The following PARD3 variants were observed in gnomAD, a reference collection of about 807,000 sequenced individuals.
PARD3 encodes par-3 family cell polarity regulator.
PARD3 carries 75 observed loss-of-function variants against 155.4 expected under a neutral mutation model. The ratio of observed to expected loss-of-function variants is 0.48; its 90% CI spans 0.40 to 0.58. The LOEUF (loss-of-function observed/expected upper bound fraction) is 0.58. Among genes scored for constraint, PARD3 ranks in the 20% least tolerant of loss-of-function variants. The pLI, the probability that PARD3 is intolerant of heterozygous loss-of-function variation, is 0.00. For missense variants in PARD3, 1,642 were observed against 1,721.7 expected (o/e 0.95, Z 0.82); for synonymous variants, 576 against 610.5 (o/e 0.94, Z 0.83).
intron 5 of PARD3, among the ~76,000 whole-genome samples, chr10:34,421,804 G>C (rs980452813): frequency 1.4e-4 from 22 of 152,138 alleles, no homozygotes; most frequent in African/African-American, 5.1e-4. Context: ...CACAATAAAT[G>C]TAAAGAATTG....
intron 16 of PARD3, among the ~76,000 whole-genome samples, chr10:34,339,138 A>G (rs1056217552): frequency 6.6e-6 from 1 of 152,234 alleles, no homozygotes; most frequent in Non-Finnish European, 1.5e-5. Flanking sequence ...TAAATAATAT[A>G]TTTCCAATAA....
chr10:34,453,311 C>T (rs1011001046), intron 4 of PARD3, among the ~76,000 whole-genome samples: 2 of 152,160 alleles, frequency 1.3e-5, no homozygotes, highest in African/African-American at 4.8e-5. Context: ...TCATGCCATG[C>T]TTTTTGTTAC....
chr10:34,329,490 A>G (rs906624948), intron 19 of PARD3, among the ~76,000 whole-genome samples: 2 of 152,196 alleles, frequency 1.3e-5, no homozygotes, highest in East Asian at 1.9e-4. Context: ...AAAAAACTCA[A>G]TAGGGTCGAA....
intron 22 of PARD3, among the ~76,000 whole-genome samples, chr10:34,267,173 C>T (rs1192916627): frequency 2.0e-5 from 3 of 151,854 alleles, no homozygotes; most frequent in Admixed American, 6.6e-5. Flanking sequence ...CGCCAGCATT[C>T]TGGTGTCCTT....
intron 19 of PARD3, among the ~76,000 whole-genome samples, chr10:34,330,177 T>C (rs547844399): frequency 1.3e-5 from 2 of 152,288 alleles, no homozygotes; most frequent in Admixed American, 6.5e-5. Context: ...TTAGTAGTTA[T>C]GAGCAATATA....
At chr10:34,392,770 T>C (rs1360807530) in intron 7 of PARD3, among the ~76,000 whole-genome samples, 4 of 152,128 alleles carry the variant, frequency 2.6e-5, no homozygotes, top group African/African-American at 7.2e-5. Context: ...CAAAAGAGGC[T>C]TTCTTATCAA....
At chr10:34,629,328 G>C (rs551382497) in intron 2 of PARD3, among the ~76,000 whole-genome samples, 1 of 152,302 alleles carries the variant, frequency 6.6e-6, no homozygotes, top group South Asian at 2.1e-4. Flanking sequence ...ATACTAATGT[G>C]ATCTCTCTTT....
At chr10:34,485,552 C>A (rs2079395860) in intron 3 of PARD3, among the ~76,000 whole-genome samples, 1 of 152,034 alleles carries the variant, frequency 6.6e-6, no homozygotes, top group Admixed American at 6.6e-5. Context: ...GATTCCGGGT[C>A]ATAGATTCAG....
chr10:34,308,606 G>A (rs1957535126), intron 20 of PARD3, among the ~76,000 whole-genome samples: 2 of 152,252 alleles, frequency 1.3e-5, no homozygotes, highest in South Asian at 2.1e-4. Context: ...CGGGGAGGGG[G>A]AATCCAGCAG....
chr10:34,590,386 C>T (rs188371990), intron 2 of PARD3, among the ~76,000 whole-genome samples: 2 of 152,258 alleles, frequency 1.3e-5, no homozygotes, highest in East Asian at 3.9e-4. Flanking sequence ...TTTTGTTTTC[C>T]CCTACTTCCC....
At chr10:34,242,502 G>A (rs1041747335) in intron 22 of PARD3, among the ~76,000 whole-genome samples, 4 of 152,090 alleles carry the variant, frequency 2.6e-5, no homozygotes, top group African/African-American at 9.7e-5. Context: ...TAAAATGAGG[G>A]GTTGTTAAAC....
At chr10:34,362,786 A>G (rs1839583241) in intron 12 of PARD3, among the ~76,000 whole-genome samples, 1 of 152,220 alleles carries the variant, frequency 6.6e-6, no homozygotes, top group African/African-American at 2.4e-5. Flanking sequence ...CAGCCCCTTG[A>G]AACATTTACA....
chr10:34,604,900 T>A (rs1037865006), intron 2 of PARD3, among the ~76,000 whole-genome samples: 2 of 151,764 alleles, frequency 1.3e-5, no homozygotes, highest in Non-Finnish European at 2.9e-5. Flanking sequence ...CATTTTTCAC[T>A]TTTCAAAAAA....
Position 34,516,997 on chromosome 10 carries a change from G to T in PARD3, c.385C>A (p.Pro129Thr). Residue 129 changes from proline to threonine, a missense_variant, in exon 3 of 25, where the codon CCT becomes ACT. Coordinates refer to ENST00000374788, the MANE Select transcript of PARD3 (RefSeq NM_001184785.2). The part of the protein sequence containing the change: ...YQATSEIEVT[P>T]SVLRANMPLH... ...CACTTACTTGCTCGAAGGACTGAAG[G>T]TGTGACCTCAATTTCACTTGTTGCT... 1 of 1,614,108 alleles carries T rather than the reference G, an allele frequency of 6.2e-7. No individual in the cohort carries two copies. Among genetic ancestry groups the T allele is most frequent in the South Asian group, 1.1e-5 (1 of 91,062 alleles).
chr10:34,372,354 C>T (rs1840768774), intron 12 of PARD3, 144 bp downstream of exon 12: 1 of 646,740 alleles, frequency 1.5e-6, no homozygotes, highest in Admixed American at 2.4e-5. Flanking sequence ...TAAAATAAGA[C>T]CACTTTGGCA....
chr10:34,682,115 T>C (rs1029807495), intron 2 of PARD3, among the ~76,000 whole-genome samples: 7 of 152,020 alleles, frequency 4.6e-5, no homozygotes, highest in African/African-American at 1.7e-4. Flanking sequence ...AGCCAAGAGA[T>C]CCCTGTTGAC....
At chr10:34,490,755 A>G (rs1442211044) in intron 3 of PARD3, among the ~76,000 whole-genome samples, 1 of 152,212 alleles carries the variant, frequency 6.6e-6, no homozygotes, top group Admixed American at 6.5e-5. Flanking sequence ...GGCAGTACTT[A>G]AGACCTCCCC....
At chr10:34,779,373 G>T (rs1839981220) in intron 1 of PARD3, among the ~76,000 whole-genome samples, 2 of 151,988 alleles carry the variant, frequency 1.3e-5, no homozygotes, top group African/African-American at 4.8e-5. Context: ...ACTTTGGGAG[G>T]CCGAGGCCCA....
intron 3 of PARD3, among the ~76,000 whole-genome samples, chr10:34,513,499 T>C (rs745416296): frequency 2.0e-4 from 31 of 152,308 alleles, no homozygotes; most frequent in Non-Finnish European, 3.8e-4. Context: ...GCCAGGCTGG[T>C]CTCGAACTCC....
Sources: gnomAD v4.1 joint callset for allele counts (sites outside exome capture counted in the v4.1 genomes callset) on GRCh38, gnomAD v4.1.1 for gene constraint, MANE v1.5 for transcripts, NCBI Gene and HGNC (gene_info 2026-07-23, HGNC 2026-07-21) for gene names.